BIRC6: variants seen among roughly 807,000 people sequenced by gnomAD.
BIRC6 encodes dual E2 ubiquitin-conjugating enzyme/E3 ubiquitin-protein ligase BIRC6.
BIRC6 carries 98 observed loss-of-function variants against 503.3 expected under a neutral mutation model. The ratio of observed to expected loss-of-function variants is 0.19; its 90% CI spans 0.17 to 0.23. BIRC6 has a LOEUF of 0.23. Ranked by LOEUF, BIRC6 falls within the 10% of genes least tolerant of loss-of-function variation. BIRC6 has a pLI of 1.00. For missense variants in BIRC6, 5,360 were observed against 5,806.0 expected (o/e 0.92, Z 2.50); for synonymous variants, 2,240 against 2,078.7 (o/e 1.08, Z -2.11).
chr2:32,516,322 T>C (rs1240223220), intron 55 of BIRC6, among the ~76,000 whole-genome samples: 4 of 152,080 alleles, frequency 2.6e-5, no homozygotes, highest in African/African-American at 9.7e-5. Flanking sequence ...AAGACCAGTC[T>C]GGCCAACATG....
At chr2:32,583,952 G>A (rs1055687653) in intron 66 of BIRC6, among the ~76,000 whole-genome samples, 4 of 152,094 alleles carry the variant, frequency 2.6e-5, no homozygotes, top group Admixed American at 1.3e-4. Context: ...GGCTGTTCAC[G>A]AACTCCTGAC....
chr2:32,505,016 T>C lies in BIRC6; in HGVS notation c.9511T>C (p.Ser3171Pro). 6.2e-7 allele frequency: 1 copy of C among 1,613,398 alleles called. No individual in the cohort carries two copies. The highest frequency in any genetic ancestry group is 1.1e-5 in the South Asian group (1 of 90,948). The stretch of plus-strand genomic sequence containing the variant: ...AATATCTTCTCTAGGTACAATCACA[T>C]CTAGCAGTCCTACTGCCCAACCAGC... ...HNFAPLGTIT[S>P]SSPTAQPAEV... The change falls in exon 50 of 74, where the codon TCT (serine) becomes CCT (proline). Residue 3171 changes from serine (S) to proline (P), a missense_variant. Transcript: ENST00000421745.
At chr2:32,371,562 A>G (rs962391259) in intron 1 of BIRC6, among the ~76,000 whole-genome samples, 12 of 151,828 alleles carry the variant, frequency 7.9e-5, no homozygotes, top group African/African-American at 2.7e-4. Flanking sequence ...TTTAGTAGAG[A>G]CAAAATACAG....
At chr2:32,478,229 C>T (rs927997048) in intron 35 of BIRC6, among the ~76,000 whole-genome samples, 4 of 151,950 alleles carry the variant, frequency 2.6e-5, no homozygotes, top group Admixed American at 1.3e-4. Context: ...CCCAGTTACT[C>T]GGGAGGCTGA....
chr2:32,392,731 C>T (rs1033885933), intron 5 of BIRC6, among the ~76,000 whole-genome samples: 4 of 152,058 alleles, frequency 2.6e-5, no homozygotes, highest in African/African-American at 4.8e-5. Context: ...ACAGGTGATC[C>T]GCCCACCTCA....
At chr2:32,614,931 C>A (rs2063137413) in intron 73 of BIRC6, among the ~76,000 whole-genome samples, 1 of 152,116 alleles carries the variant, frequency 6.6e-6, no homozygotes, top group African/African-American at 2.4e-5. Context: ...TAAAGAAATC[C>A]TTGAGACTGG....
intron 65 of BIRC6, among the ~76,000 whole-genome samples, chr2:32,573,363 A>G (rs1458352436): frequency 6.6e-6 from 1 of 152,022 alleles, no homozygotes; most frequent in African/African-American, 2.4e-5. Context: ...ATGCCTAGCT[A>G]ATTTTCGTAT....
At chr2:32,422,349 C>T (rs1348084115) in intron 10 of BIRC6, among the ~76,000 whole-genome samples, 1 of 152,022 alleles carries the variant, frequency 6.6e-6, no homozygotes, top group African/African-American at 2.4e-5. Context: ...TCCTTTGTTA[C>T]TCCTTCACTG....
intron 70 of BIRC6, 108 bp from the exon 71 acceptor site, chr2:32,602,898 A>G: frequency 1.1e-6 from 1 of 870,396 alleles, no homozygotes; most frequent in South Asian, 1.9e-5. Flanking sequence ...GGGACATATA[A>G]AACTGAGATA....
chr2:32,564,296 A>G (rs1366497761), intron 65 of BIRC6: 2 of 152,180 alleles, frequency 1.3e-5, no homozygotes, highest in Non-Finnish European at 2.9e-5. Context: ...TGTTGAATGT[A>G]TCAGTAGTTG....
chr2:32,450,436 C>G (rs887298345), intron 22 of BIRC6, among the ~76,000 whole-genome samples: 3 of 151,566 alleles, frequency 2.0e-5, no homozygotes, highest in African/African-American at 7.3e-5. Flanking sequence ...CACTCCAGCC[C>G]GGGCGAAAGA....
chr2:32,391,499 A>G (rs985104551), intron 4 of BIRC6, among the ~76,000 whole-genome samples: 3 of 152,256 alleles, frequency 2.0e-5, no homozygotes, highest in African/African-American at 7.2e-5. Context: ...CCTGAATACA[A>G]CTACGAGTAA....
At chr2:32,503,713 T>G (rs926953676) in intron 49 of BIRC6, among the ~76,000 whole-genome samples, 1 of 152,004 alleles carries the variant, frequency 6.6e-6, no homozygotes, top group Non-Finnish European at 1.5e-5. Flanking sequence ...TGAGCCACCA[T>G]GCCTGGCCGA....
At chr2:32,611,405 T>G in intron 72 of BIRC6, 43 bp from the exon 73 acceptor site, 1 of 1,522,036 alleles carries the variant, frequency 6.6e-7, no homozygotes, top group East Asian at 2.4e-5. Flanking sequence ...CTTTTAAATT[T>G]GACTGTAAAC....
At chr2:32,576,510 T>G (rs1201894856) in intron 66 of BIRC6, among the ~76,000 whole-genome samples, 1 of 152,204 alleles carries the variant, frequency 6.6e-6, no homozygotes, top group East Asian at 1.9e-4. Flanking sequence ...TAATGGAAGT[T>G]TACTCCTTTT....
At chr2:32,574,194 C>A (rs999257144) in intron 65 of BIRC6, among the ~76,000 whole-genome samples, 3 of 143,726 alleles carry the variant, frequency 2.1e-5, no homozygotes, top group African/African-American at 7.8e-5. Context: ...CGGGATTTTG[C>A]CCTATCACCC....
intron 65 of BIRC6, among the ~76,000 whole-genome samples, chr2:32,554,585 T>G (rs970725946): frequency 6.6e-6 from 1 of 152,144 alleles, no homozygotes; most frequent in African/African-American, 2.4e-5. Context: ...AATTGGCTGG[T>G]TATCTTAGTT....
intron 68 of BIRC6, among the ~76,000 whole-genome samples, chr2:32,597,360 C>T (rs1325362420): frequency 3.9e-5 from 6 of 152,064 alleles, no homozygotes; most frequent in Non-Finnish European, 8.8e-5. Context: ...ACAGGCTGTG[C>T]ATGTTTTATC....
rs777512382 is a variant in BIRC6, at chr2:32,395,552, T to C, written c.993T>C (p.Cys331=). 2 of 1,613,386 alleles carry C rather than the reference T, an allele frequency of 1.2e-6. No homozygotes were observed. Among genetic ancestry groups the C allele is most frequent in the South Asian group, 1.1e-5 (1 of 91,050 alleles). The part of the protein sequence containing the change: ...SGDDRAMCFT[C]SVCLVCWEPT... ...ATGATAGAGCCATGTGTTTTACTTGTAGTGTATGCCTCGTTTGTTGGGAAC... is the reference window on the plus strand; with the variant it reads ...ATGATAGAGCCATGTGTTTTACTTGCAGTGTATGCCTCGTTTGTTGGGAAC... The change falls in exon 6 of 74, where the codon TGT becomes TGC. Residue 331 remains cysteine, a synonymous_variant. Transcript: ENST00000421745.
Sources: gnomAD v4.1 joint callset for allele counts (sites outside exome capture counted in the v4.1 genomes callset) on GRCh38, gnomAD v4.1.1 for gene constraint, MANE v1.5 for transcripts, NCBI Gene and HGNC (gene_info 2026-07-23, HGNC 2026-07-21) for gene names.